The following WWC2 variants were observed in gnomAD, a reference collection of about 807,000 sequenced individuals.
The protein encoded by WWC2 is protein WWC2.
A neutral mutation model predicts 138.5 loss-of-function variants in WWC2; 101 were observed. The ratio of observed to expected loss-of-function variants is 0.73; its 90% CI spans 0.62 to 0.86. The LOEUF (loss-of-function observed/expected upper bound fraction) is 0.86, where lower values mean the gene tolerates loss of function less well. Ranked by LOEUF, WWC2 falls within the 40% of genes least tolerant of loss-of-function variation. The pLI, the probability that WWC2 is intolerant of heterozygous loss-of-function variation, is 0.00. For synonymous variants in WWC2, 558 were observed against 538.4 expected (o/e 1.04, Z -0.50); for missense variants, 1,420 against 1,419.4 (o/e 1.00, Z -0.01).
chr4:183,167,660 A>G (rs1311214796), intron 1 of WWC2, among the ~76,000 whole-genome samples: 1 of 152,140 alleles, frequency 6.6e-6, no homozygotes, highest in African/African-American at 2.4e-5. Context: ...GTAAAGATAA[A>G]TGGCATAAAC....
intron 16 of WWC2, among the ~76,000 whole-genome samples, chr4:183,276,149 G>T (rs1455312829): frequency 6.6e-6 from 1 of 151,850 alleles, no homozygotes. Context: ...GCCTTTTTGG[G>T]TTAGTGTTTG....
At chr4:183,261,583 G>A (rs1737333527) in intron 11 of WWC2, 51 bp downstream of exon 11, 1 of 1,524,638 alleles carries the variant, frequency 6.6e-7, no homozygotes, top group Non-Finnish European at 8.8e-7. Flanking sequence ...ATTTTAAGGA[G>A]AATGATTGGA....
chr4:183,238,617 G>T (rs34225278), intron 4 of WWC2, among the ~76,000 whole-genome samples: 5 of 151,766 alleles, frequency 3.3e-5, no homozygotes, highest in African/African-American at 1.2e-4. Flanking sequence ...CCCTCACCCC[G>T]CTGTCCCTTT....
intron 7 of WWC2, among the ~76,000 whole-genome samples, chr4:183,249,650 GT>G (rs1421003393): frequency 6.6e-6 from 1 of 152,058 alleles, no homozygotes; most frequent in East Asian, 1.9e-4. Flanking sequence ...ATTTACCTTG[GT>G]ATTTACAGTA....
chr4:183,105,590 T>A (rs2152886270), intron 1 of WWC2, among the ~76,000 whole-genome samples: 1 of 152,304 alleles, frequency 6.6e-6, no homozygotes, highest in Non-Finnish European at 1.5e-5. Context: ...AAACTGATCT[T>A]GTGTTAGAAT....
At chr4:183,231,045 G>A (rs1736229989) in intron 4 of WWC2, among the ~76,000 whole-genome samples, 1 of 152,054 alleles carries the variant, frequency 6.6e-6, no homozygotes, top group Non-Finnish European at 1.5e-5. Flanking sequence ...ATTGTGACAA[G>A]ATTGTATGAA....
At chr4:183,161,759 T>C (rs1285955663) in intron 1 of WWC2, among the ~76,000 whole-genome samples, 1 of 152,196 alleles carries the variant, frequency 6.6e-6, no homozygotes, top group Non-Finnish European at 1.5e-5. Flanking sequence ...CCTTTCCATA[T>C]GGCCTAGGTG....
At chr4:183,304,483 T>TTTCAAA (rs1185202518) in intron 21 of WWC2, among the ~76,000 whole-genome samples, 1 of 152,138 alleles carries the variant, frequency 6.6e-6, no homozygotes, top group Non-Finnish European at 1.5e-5. Context: ...AGGAAAAAAG[T>TTTCAAA]AGCCATTTGA....
At chr4:183,181,445 C>G (rs188255217) in intron 1 of WWC2, among the ~76,000 whole-genome samples, 3 of 152,278 alleles carry the variant, frequency 2.0e-5, no homozygotes, top group Non-Finnish European at 4.4e-5. Context: ...AGATTGAGGT[C>G]TGCAGCTTAG....
chr4:183,301,166 C>T (rs1299498403), intron 21 of WWC2, among the ~76,000 whole-genome samples: 1 of 152,082 alleles, frequency 6.6e-6, no homozygotes, highest in Non-Finnish European at 1.5e-5. Context: ...AGTAATTTGA[C>T]ATACCATAGC....
At chr4:183,287,558 A>G (rs1738301194) in intron 20 of WWC2, among the ~76,000 whole-genome samples, 1 of 152,224 alleles carries the variant, frequency 6.6e-6, no homozygotes, top group Non-Finnish European at 1.5e-5. Context: ...CCTGAAGCAT[A>G]TGTAGGAGAT....
intron 21 of WWC2, among the ~76,000 whole-genome samples, chr4:183,308,240 A>G (rs571892057): frequency 9.2e-5 from 14 of 152,230 alleles, no homozygotes; most frequent in Non-Finnish European, 1.8e-4. Context: ...AAATAAATGG[A>G]AAAATATTCT....
chr4:183,253,608 G>A (rs1737044151), intron 8 of WWC2, 149 bp from the exon 9 acceptor site: 6 of 887,688 alleles, frequency 6.8e-6, no homozygotes, highest in Non-Finnish European at 1.0e-5. Context: ...TCCCACTCCG[G>A]CCTCTCACCA....
At chr4:183,242,956 C>A (rs1736666357) in intron 5 of WWC2, among the ~76,000 whole-genome samples, 2 of 151,996 alleles carry the variant, frequency 1.3e-5, no homozygotes, top group South Asian at 4.1e-4. Context: ...AAAAAGGCAG[C>A]ACTTAAAGTA....
At chr4:183,236,370 A>C (rs1293382788) in intron 4 of WWC2, among the ~76,000 whole-genome samples, 1 of 152,212 alleles carries the variant, frequency 6.6e-6, no homozygotes, top group Non-Finnish European at 1.5e-5. Context: ...CAGAGACTCC[A>C]GGGGTGCCTT....
chr4:183,150,913 C>T (rs901504613), intron 1 of WWC2, among the ~76,000 whole-genome samples: 6 of 152,114 alleles, frequency 3.9e-5, no homozygotes, highest in African/African-American at 1.4e-4. Context: ...GTATATGTGC[C>T]ACATTTTCTT....
At chr4:183,191,000 A>G (rs1019120930) in intron 1 of WWC2, among the ~76,000 whole-genome samples, 2 of 151,736 alleles carry the variant, frequency 1.3e-5, no homozygotes, top group Non-Finnish European at 2.9e-5. Flanking sequence ...CTCCTTCTTC[A>G]TTTCTTTAGG....
At chr4:183,259,832 C>A in intron 10 of WWC2, 104 bp downstream of exon 10, 1 of 831,098 alleles carries the variant, frequency 1.2e-6, no homozygotes, top group South Asian at 1.6e-5. Context: ...TAAATAAAAT[C>A]ATTATAGTAG....
intron 18 of WWC2, 22 bp from the exon 19 acceptor site, chr4:183,284,204 A>G (rs970500270): frequency 3.1e-6 from 5 of 1,608,034 alleles, no homozygotes; most frequent in Non-Finnish European, 4.3e-6. Flanking sequence ...AGCTCCTGAC[A>G]AATTGTTAAC....
Sources: gnomAD v4.1 joint callset for allele counts (sites outside exome capture counted in the v4.1 genomes callset) on GRCh38, gnomAD v4.1.1 for gene constraint, MANE v1.5 for transcripts, NCBI Gene and HGNC (gene_info 2026-07-23, HGNC 2026-07-21) for gene names.